Variants in METTL6 observed in about 807,000 individuals in gnomAD.
METTL6 encodes the protein tRNA N(3)-cytidine methyltransferase METTL6.
METTL6 carries 22 observed loss-of-function variants against 26.4 expected under a neutral mutation model. That is an observed-to-expected ratio of 0.83 (90% CI 0.59 to 1.19). METTL6 has a LOEUF of 1.19. Among genes scored for constraint, METTL6 ranks in the 50% most tolerant of loss-of-function variants. The pLI is 0.00. For missense variants in METTL6, 304 were observed against 324.8 expected (o/e 0.94, Z 0.49); for synonymous variants, 109 against 116.2 (o/e 0.94, Z 0.40).
At chr3:15,397,601 C>T (rs1699527527) in intron 6 of METTL6, among the ~76,000 whole-genome samples, 1 of 152,196 alleles carries the variant, frequency 6.6e-6, no homozygotes, top group Non-Finnish European at 1.5e-5. Context: ...TAGACTGGAG[C>T]TGTTCCTATT....
chr3:15,402,882 TAA>T (rs1364471737), intron 6 of METTL6, among the ~76,000 whole-genome samples: 1 of 152,146 alleles, frequency 6.6e-6, no homozygotes, highest in Admixed American at 6.5e-5. Flanking sequence ...TTATTCGTCC[TAA>T]AAAGACACTC....
chr3:15,411,084 G>A lies in METTL6; in HGVS notation c.*172C>T. 1.6e-6 allele frequency: 1 copy of A among 613,138 alleles called. No individual in the cohort carries two copies. The highest frequency in any genetic ancestry group is 2.7e-6 in the Non-Finnish European group (1 of 370,376). 38.0% of individuals were successfully genotyped at this position (613,138 alleles called of 1,614,324 possible). On this transcript the variant is annotated 3_prime_UTR_variant, in exon 6 of 6. Transcript: ENST00000383790. The stretch of plus-strand genomic sequence containing the variant: ...ATTTTTTTGTATTTTTAGTAGAGAT[G>A]GGGTCTCACCATGTTGGCCAGGCTG...
At chr3:15,415,596 G>C (rs1231541002) in intron 4 of METTL6, 176 bp downstream of exon 4, 10 of 1,607,588 alleles carry the variant, frequency 6.2e-6, no homozygotes, top group Non-Finnish European at 8.5e-6. Flanking sequence ...GCACAAATCA[G>C]AATTTAGGGT....
intron 3 of METTL6, among the ~76,000 whole-genome samples, chr3:15,420,719 T>C (rs1199835308): frequency 6.6e-6 from 1 of 152,226 alleles, no homozygotes; most frequent in Non-Finnish European, 1.5e-5. Flanking sequence ...TGACAGCGTA[T>C]GACCAACGTA....
intron 6 of METTL6, among the ~76,000 whole-genome samples, chr3:15,396,662 G>A (rs1699496947): frequency 6.6e-6 from 1 of 152,132 alleles, no homozygotes; most frequent in Non-Finnish European, 1.5e-5. Flanking sequence ...GTACAGATGG[G>A]GTTTTGGTGT....
At chr3:15,422,256 G>C (rs930346900) in intron 3 of METTL6, among the ~76,000 whole-genome samples, 45 of 152,292 alleles carry the variant, frequency 3.0e-4, no homozygotes, top group Admixed American at 7.2e-4. Flanking sequence ...AGCCTGGGAA[G>C]TCAAGGCTGC....
In METTL6 at chr3:15,412,680, C is replaced by T. The variant is rs375636320; in HGVS notation, c.674-1243G>A. Among the ~76,000 whole-genome samples the T allele has an allele frequency of 7.9e-5, 12 of 151,430 alleles. 1 individual carries two copies. Among genetic ancestry groups the T allele is most frequent in the East Asian group, 1.9e-4 (1 of 5,150 alleles). On this transcript the variant is annotated intron_variant, in intron 5 of 5. Transcript: ENST00000383790. ...TTTTTTTTTTTATTTTTAGTAGAGA[C>T]AAAGTTTCACGGTTGCCCAGGCTGG...
At chr3:15,419,663 G>A (rs2061564548) in intron 3 of METTL6, among the ~76,000 whole-genome samples, 1 of 152,216 alleles carries the variant, frequency 6.6e-6, no homozygotes, top group South Asian at 2.1e-4. Flanking sequence ...CTTTTTGGAA[G>A]GAAACTTGGC....
chr3:15,426,837 T>C (rs1429078579), intron 1 of METTL6, among the ~76,000 whole-genome samples: 1 of 152,246 alleles, frequency 6.6e-6, no homozygotes, highest in Non-Finnish European at 1.5e-5. Context: ...TCATGCACCA[T>C]ACTTTTATTC....
At chr3:15,420,999 C>A (rs2061600865) in intron 3 of METTL6, among the ~76,000 whole-genome samples, 1 of 152,148 alleles carries the variant, frequency 6.6e-6, no homozygotes, top group Admixed American at 6.6e-5. Context: ...TGGGAGTGAC[C>A]TTTGTTAATT....
chr3:15,401,498 G>GCC (rs1368046842), intron 6 of METTL6, among the ~76,000 whole-genome samples: 2 of 129,182 alleles, frequency 1.5e-5, no homozygotes, highest in African/African-American at 6.0e-5. Context: ...TATGTACAAA[G>GCC]CCTCAAAGGT....
At chr3:15,409,440 G>C (rs1313244384), downstream of METTL6, among the ~76,000 whole-genome samples, 2 of 152,226 alleles carry the variant, frequency 1.3e-5, no homozygotes, top group African/African-American at 2.4e-5. Flanking sequence ...GATTGGGAAA[G>C]AGGTCAGCAG....
At chr3:15,414,843 G>A in intron 4 of METTL6, 1 of 527,936 alleles carries the variant, frequency 1.9e-6, no homozygotes, top group South Asian at 1.5e-5. Context: ...AACTGCTTGA[G>A]CCCAGGAAGT....
chr3:15,398,436 T>G (rs965353320), intron 6 of METTL6, among the ~76,000 whole-genome samples: 1 of 152,134 alleles, frequency 6.6e-6, no homozygotes, highest in Non-Finnish European at 1.5e-5. Flanking sequence ...TCAAGTGATC[T>G]GCCTGTCTCA....
At position 15,424,947 on chromosome 3, in the gene METTL6, G is replaced by A; in HGVS notation, c.360+8C>T. 6.2e-7 allele frequency: 1 copy of A among 1,613,996 alleles called. No individual in the cohort carries two copies. Among genetic ancestry groups the A allele is most frequent in the African/African-American group, 1.3e-5 (1 of 75,030 alleles). ...AAACACAGCAGAATACATAGATGGT[G>A]CACCAACCTTAACATATTCAATGGC... On this transcript the variant is annotated splice_region_variant and intron_variant, in intron 3 of 5. Transcript: ENST00000383790.
At chr3:15,415,529 C>G in intron 4 of METTL6, 1 of 1,597,280 alleles carries the variant, frequency 6.3e-7, no homozygotes, top group Non-Finnish European at 8.5e-7. Flanking sequence ...TCCCAGGTAA[C>G]TGCAAAATCA....
chr3:15,383,364 TAAC>T, exon 7 of METTL6: 1 of 152,084 alleles, frequency 6.6e-6, no homozygotes, highest in Non-Finnish European at 1.5e-5. Context: ...GTAAAAATAA[TAAC>T]AATAATGAAT....
At chr3:15,411,508 G>T in intron 5 of METTL6, 71 bp from the exon 6 acceptor site, 1 of 1,422,738 alleles carries the variant, frequency 7.0e-7, no homozygotes, top group Non-Finnish European at 9.6e-7. Context: ...CCTTGAGGAG[G>T]GATAGAGGGC....
intron 6 of METTL6, among the ~76,000 whole-genome samples, chr3:15,403,931 T>G (rs1465096737): frequency 6.6e-6 from 1 of 152,210 alleles, no homozygotes; most frequent in Non-Finnish European, 1.5e-5. Context: ...ATTTGTAAAC[T>G]GTGATGGGGC....
Sources: gnomAD v4.1 joint callset for allele counts (sites outside exome capture counted in the v4.1 genomes callset) on GRCh38, gnomAD v4.1.1 for gene constraint, MANE v1.5 for transcripts, NCBI Gene and HGNC (gene_info 2026-07-23, HGNC 2026-07-21) for gene names.